Variants in CBX7 observed in about 807,000 individuals in gnomAD.
CBX7 encodes chromobox protein homolog 7.
A neutral mutation model predicts 31.4 loss-of-function variants in CBX7; 14 were observed. That is an observed-to-expected ratio of 0.45 (90% CI 0.29 to 0.70). The LOEUF is 0.70. Among genes scored for constraint, CBX7 ranks in the 30% least tolerant of loss-of-function variants. The pLI is 0.11. For synonymous variants in CBX7, 159 were observed against 152.6 expected (o/e 1.04, Z -0.31); for missense variants, 269 against 351.9 (o/e 0.76, Z 1.89).
chr22:39,146,357 T>C (rs537164793), intron 2 of CBX7, among the ~76,000 whole-genome samples: 3 of 152,338 alleles, frequency 2.0e-5, no homozygotes. Flanking sequence ...ACTCTGCCCC[T>C]GGCAGGGTGT....
At chr22:39,145,660 G>T (rs752100870) in intron 2 of CBX7, among the ~76,000 whole-genome samples, 30 of 150,540 alleles carry the variant, frequency 2.0e-4, no homozygotes, top group Non-Finnish European at 3.7e-4. Flanking sequence ...CCCCGCCCCC[G>T]CCGGCCGCGC....
At chr22:39,140,734 G>C (rs536986637) in intron 3 of CBX7, among the ~76,000 whole-genome samples, 1 of 152,180 alleles carries the variant, frequency 6.6e-6, no homozygotes, top group African/African-American at 2.4e-5. Flanking sequence ...CTGCTGGTGG[G>C]GGGGGCGGCC....
Position 39,137,919 on chromosome 22 carries a change from C to T in CBX7, c.246+717G>A, listed in dbSNP as rs1027533956. Among the ~76,000 whole-genome samples, 10 of 152,216 alleles carry T rather than the reference C, an allele frequency of 6.6e-5. No homozygotes were observed. The South Asian group carries it at 8.3e-4, about 13-fold the overall frequency. On this transcript the variant is annotated intron_variant, in intron 4 of 5. Coordinates refer to ENST00000216133, the MANE Select transcript of CBX7 (RefSeq NM_175709.5). ...GTTTCTGGCTGGGCGCGGTGGCTCA[C>T]GCCTGTAATCCCAGCACTTTGGGAG... is the stretch of plus-strand genomic sequence containing the variant.
chr22:39,143,523 C>T (rs1930534194), intron 2 of CBX7, among the ~76,000 whole-genome samples: 1 of 152,084 alleles, frequency 6.6e-6, no homozygotes, highest in African/African-American at 2.4e-5. Flanking sequence ...ATTAGTGTAG[C>T]CTAAGTGTTC....
chr22:39,133,942 G>A lies in CBX7; in HGVS notation c.705C>T (p.Arg235=), dbSNP rs766625588. ...ITANSITVTF[R]EAQAAEGFFR... ...AGAAGCCCTCAGCTGCCTGGGCCTC[G>A]CGGAAGGTGACGGTGATGGAGTTGG... Residue 235 remains arginine, a synonymous_variant, in exon 6 of 6, where the codon CGC becomes CGT. Transcript: ENST00000216133. 1.6e-5 allele frequency: 26 copies of A among 1,613,740 alleles called. No individual in the cohort carries two copies. The highest frequency in any genetic ancestry group is 2.7e-5 in the African/African-American group (2 of 74,902).
At chr22:39,141,540 G>T in intron 2 of CBX7, 104 bp from the exon 3 acceptor site, 1 of 884,126 alleles carries the variant, frequency 1.1e-6, no homozygotes, top group Non-Finnish European at 1.8e-6. Flanking sequence ...CCTGAGGTCA[G>T]GAGTTCAAGA....
chr22:39,146,014 A>T (rs1930649379), intron 2 of CBX7, among the ~76,000 whole-genome samples: 1 of 152,140 alleles, frequency 6.6e-6, no homozygotes, highest in Admixed American at 6.5e-5. Flanking sequence ...GGAACCCCGC[A>T]GAGCCAGGCC....
At chr22:39,145,763 C>A in intron 2 of CBX7, among the ~76,000 whole-genome samples, 1 of 150,750 alleles carries the variant, frequency 6.6e-6, no homozygotes, top group African/African-American at 2.4e-5. Context: ...CGCGCCGGCT[C>A]CGAGATAAAC....
At chr22:39,136,045 G>A (rs746223117) in intron 4 of CBX7, 1 of 147,612 alleles carries the variant, frequency 6.8e-6, no homozygotes, top group South Asian at 2.1e-4. Context: ...AGCAGAGATC[G>A]CACCACTGTA....
At chr22:39,141,865 T>C (rs1930469745) in intron 2 of CBX7, among the ~76,000 whole-genome samples, 1 of 152,128 alleles carries the variant, frequency 6.6e-6, no homozygotes, top group Non-Finnish European at 1.5e-5. Flanking sequence ...TAAGGTGTCA[T>C]TGTCACCTAC....
chr22:39,151,434 T>C lies in CBX7; in HGVS notation c.69+942A>G, dbSNP rs538777014. Among the ~76,000 whole-genome samples the C allele has an allele frequency of 2.0e-5, 3 of 152,290 alleles. No homozygotes were observed. The Middle Eastern group carries it at 0.01, about 518-fold the overall frequency. ...CTCCTGCTCTACCTCCCTATCTAAC[T>C]TGCTCGGTGACCTTGAGCAGGTCAC... On this transcript the variant is annotated intron_variant, in intron 1 of 5. Coordinates refer to ENST00000216133, the MANE Select transcript of CBX7 (RefSeq NM_175709.5).
Position 39,138,832 on chromosome 22 carries a change from T to A in CBX7, c.180-130A>T, listed in dbSNP as rs541287705. 2.8e-5 allele frequency: 22 copies of A among 790,814 alleles called. No individual in the cohort carries two copies. The East Asian group carries it at 5.7e-4, about 20-fold the overall frequency. The allele number at this position is 790,814 out of a possible 1,614,324, so 49.0% of individuals were successfully genotyped here. A position where few individuals can be genotyped will look rare whatever the true frequency, so the allele number is the denominator to read the frequency against. On this transcript the variant is annotated intron_variant, in intron 3 of 5. Transcript: ENST00000216133. ...CACTCCCCACAGGCCTGCCCACCAA[T>A]CCTCCCCATTGCCTGGCTGGGGCCA...
chr22:39,141,985 C>CA (rs1466694018), intron 2 of CBX7, among the ~76,000 whole-genome samples: 5 of 152,176 alleles, frequency 3.3e-5, no homozygotes, highest in African/African-American at 1.2e-4. Flanking sequence ...TTAGACTCCA[C>CA]AATCACTAGA....
At chr22:39,149,648 T>C (rs934117625) in intron 2 of CBX7, 141 bp downstream of exon 2, 8 of 737,202 alleles carry the variant, frequency 1.1e-5, no homozygotes, top group African/African-American at 5.2e-5. Flanking sequence ...CCAGAGAAGA[T>C]GATGATTAAA....
intron 2 of CBX7, among the ~76,000 whole-genome samples, chr22:39,145,207 G>A (rs1308618847): frequency 1.3e-5 from 2 of 152,214 alleles, no homozygotes; most frequent in African/African-American, 2.4e-5. Flanking sequence ...GCCGAGTGCA[G>A]CCCCAAGTGG....
chr22:39,151,775 G>T, intron 1 of CBX7, among the ~76,000 whole-genome samples: 1 of 151,738 alleles, frequency 6.6e-6, no homozygotes, highest in Non-Finnish European at 1.5e-5. Flanking sequence ...GAAGGCAGAT[G>T]GGGTAGGAGA....
rs1930877246 is a variant in CBX7, at chr22:39,152,032, A to G, written c.69+344T>C. On this transcript the variant is annotated intron_variant, in intron 1 of 5. Coordinates refer to ENST00000216133, the MANE Select transcript of CBX7 (RefSeq NM_175709.5). This position sits in a 1 kb window ranked among gnomAD's most constrained non-coding sequence, Gnocchi z 4.9. Reference sequence around the variant, plus strand: ...CCGAGTTCAAAACCCAGCTCTGACCATAACGCGCTAGGCAAGTCCTTTCAA... The same window carrying G: ...CCGAGTTCAAAACCCAGCTCTGACCGTAACGCGCTAGGCAAGTCCTTTCAA... Among the ~76,000 whole-genome samples, 1 of 152,182 alleles carries G rather than the reference A, an allele frequency of 6.6e-6. No homozygotes were observed. Among genetic ancestry groups the G allele is most frequent in the Admixed American group, 6.5e-5 (1 of 15,278 alleles).
At chr22:39,144,334 G>A (rs1221573003) in intron 2 of CBX7, among the ~76,000 whole-genome samples, 1 of 152,098 alleles carries the variant, frequency 6.6e-6, no homozygotes, top group Non-Finnish European at 1.5e-5. Context: ...ACTCCTAGCC[G>A]ACCCTTAAGA....
rs930543026 is a variant in CBX7 at position 39,132,742 on chromosome 22, C to T, written c.*1149G>A. 2 of 152,678 alleles carry T rather than the reference C, an allele frequency of 1.3e-5. No individual in the cohort carries two copies. Among genetic ancestry groups the T allele is most frequent in the African/African-American group, 4.8e-5 (2 of 41,430 alleles). 9.5% of individuals were successfully genotyped at this position (152,678 alleles called of 1,614,324 possible). The stretch of plus-strand genomic sequence containing the variant: ...GCTGCCCTGAGAACGTGGTGGGACA[C>T]TCCCTCCCTCCCTGACTGCCCACAC... On this transcript the variant is annotated 3_prime_UTR_variant, in exon 6 of 6. Coordinates refer to ENST00000216133, the MANE Select transcript of CBX7 (RefSeq NM_175709.5).
Sources: gnomAD v4.1 joint callset for allele counts (sites outside exome capture counted in the v4.1 genomes callset) on GRCh38, gnomAD v4.1.1 for gene constraint, Gnocchi (gnomAD v3.1) non-coding constraint, MANE v1.5 for transcripts, NCBI Gene and HGNC (gene_info 2026-07-23, HGNC 2026-07-21) for gene names.